Variants in ZNF713 observed in about 807,000 individuals in gnomAD.
ZNF713 encodes the protein zinc finger protein 713.
Under a neutral mutation model 28.7 loss-of-function variants are expected in ZNF713, and 21 were observed. The observed-to-expected ratio is 0.73, with a 90% confidence interval of 0.52 to 1.05. The LOEUF is 1.05. ZNF713 is among the 50% of genes least tolerant of loss of function. The pLI is 0.00. For missense variants in ZNF713, 458 were observed against 532.4 expected (o/e 0.86, Z 1.37); for synonymous variants, 167 against 178.0 (o/e 0.94, Z 0.49).
intron 4 of ZNF713, among the ~76,000 whole-genome samples, chr7:55,914,358 G>GTTTGTTT (rs1285906932): frequency 6.6e-6 from 1 of 151,770 alleles, no homozygotes; most frequent in Non-Finnish European, 1.5e-5. Context: ...GATTTTTTTG[G>GTTTGTTT]TTTGTTTTTT....
At chr7:55,890,977 C>G (rs1341500498) in intron 1 of ZNF713, among the ~76,000 whole-genome samples, 1 of 140,124 alleles carries the variant, frequency 7.1e-6, no homozygotes, top group Admixed American at 7.7e-5. Context: ...GCCTGGACGA[C>G]AGAGTGAGAC....
At chr7:55,923,574 A>C in intron 5 of ZNF713, 33 bp from the exon 6 acceptor site, 1 of 1,541,796 alleles carries the variant, frequency 6.5e-7, no homozygotes, top group Non-Finnish European at 8.8e-7. Flanking sequence ...TCCCAGTACA[A>C]ACTCCTAAGA....
rs1209385867 is a variant in ZNF713 at position 55,909,409 on chromosome 7, G to GT, written c.-455-2206dup. ...TCCATTGATCTATGTGTCTGTTTTT[G>GT]TACCAGTACCATGCTACTTTGTTTC... On this transcript the variant is annotated intron_variant, in intron 2 of 6. Transcript: ENST00000429591. Among the ~76,000 whole-genome samples, 4 of 151,998 alleles carry GT rather than the reference G, an allele frequency of 2.6e-5. No individual in the cohort carries two copies. The East Asian group carries it at 7.7e-4, about 29-fold the overall frequency.
intron 6 of ZNF713, among the ~76,000 whole-genome samples, chr7:55,928,207 C>A (rs1298871430): frequency 6.6e-6 from 1 of 152,072 alleles, no homozygotes; most frequent in Non-Finnish European, 1.5e-5. Flanking sequence ...TGAGGGCCCC[C>A]GTGAGACTCT....
chr7:55,940,590 C>G lies in ZNF713; in HGVS notation c.*584C>G, dbSNP rs1786447465. 4.1e-6 allele frequency: 4 copies of G among 975,960 alleles called. No individual in the cohort carries two copies. Among genetic ancestry groups the G allele is most frequent in the Admixed American group, 6.2e-5 (1 of 16,182 alleles). The allele number at this position is 975,960 out of a possible 1,614,324, so 60.5% of individuals were successfully genotyped here. On this transcript the variant is annotated 3_prime_UTR_variant, in exon 7 of 7. Transcript: ENST00000429591. ...TAAAACTTTTTAAAAAATCAGAAGT[C>G]CTTATCCAGGCATGGTGGTGCACAC...
intron 2 of ZNF713, among the ~76,000 whole-genome samples, chr7:55,910,488 GT>G (rs934345601): frequency 4.6e-5 from 7 of 151,562 alleles, no homozygotes; most frequent in African/African-American, 1.7e-4. Flanking sequence ...TTTGTTGAGG[GT>G]TTTTTGGTTT....
intron 1 of ZNF713, among the ~76,000 whole-genome samples, chr7:55,900,727 G>T (rs1785560607): frequency 6.6e-6 from 1 of 152,124 alleles, no homozygotes; most frequent in Non-Finnish European, 1.5e-5. Flanking sequence ...TGACCAAAGG[G>T]TACAAAGTTT....
At chr7:55,900,467 C>CAA (rs201434785) in intron 1 of ZNF713, among the ~76,000 whole-genome samples, 6 of 140,554 alleles carry the variant, frequency 4.3e-5, no homozygotes, top group African/African-American at 8.0e-5. Context: ...GACTCCATTT[C>CAA]AAAAAAAAAA....
At chr7:55,930,706 C>T (rs1786193420) in intron 6 of ZNF713, among the ~76,000 whole-genome samples, 1 of 152,050 alleles carries the variant, frequency 6.6e-6, no homozygotes, top group African/African-American at 2.4e-5. Context: ...GTGGAGGTTG[C>T]AGTAAGCCGA....
chr7:55,922,888 T>G (rs1330896372), intron 4 of ZNF713, among the ~76,000 whole-genome samples: 1 of 152,166 alleles, frequency 6.6e-6, no homozygotes, highest in Admixed American at 6.6e-5. Flanking sequence ...GTCCTTGTAG[T>G]TTTTTAATCA....
chr7:55,914,846 T>C (rs1785850719), intron 4 of ZNF713, among the ~76,000 whole-genome samples: 2 of 139,938 alleles, frequency 1.4e-5, no homozygotes, highest in South Asian at 2.2e-4. Context: ...ATTCATTTGG[T>C]TTATTTTATT....
Position 55,906,785 on chromosome 7 carries a change from G to A in ZNF713, c.-456+406G>A, listed in dbSNP as rs1368566390. On this transcript the variant is annotated intron_variant, in intron 2 of 6. Coordinates refer to ENST00000429591, the MANE Select transcript of ZNF713 (RefSeq NM_182633.3). Reference sequence around the variant, plus strand: ...CCTCTCGTAAATATCTAGGAAAGTGGACCCACCTAACACATGGTGGTCGTA... The same window carrying A: ...CCTCTCGTAAATATCTAGGAAAGTGAACCCACCTAACACATGGTGGTCGTA... 2.0e-5 allele frequency among the ~76,000 whole-genome samples: 3 copies of A among 152,130 alleles called. No homozygotes were observed. The East Asian group carries it at 5.8e-4, about 29-fold the overall frequency.
intron 1 of ZNF713, among the ~76,000 whole-genome samples, chr7:55,891,783 T>C (rs1382577397): frequency 2.0e-5 from 3 of 151,882 alleles, no homozygotes; most frequent in South Asian, 2.1e-4. Flanking sequence ...GTTCATGATA[T>C]ATAATGGTTT....
At chr7:55,911,362 G>C (rs2116212480) in intron 2 of ZNF713, among the ~76,000 whole-genome samples, 1 of 152,334 alleles carries the variant, frequency 6.6e-6, no homozygotes, top group African/African-American at 2.4e-5. Flanking sequence ...CAGAGAGCAT[G>C]TGTTCTCTGT....
At chr7:55,888,549 T>TTTGTTG (rs994433085) in intron 1 of ZNF713, among the ~76,000 whole-genome samples, 18 of 151,778 alleles carry the variant, frequency 1.2e-4, no homozygotes, top group Admixed American at 3.9e-4. Context: ...CGTGCGGCTT[T>TTTGTTG]TTGTTGTTGT....
chr7:55,923,784 C>T lies in ZNF713; in HGVS notation c.307+85C>T, dbSNP rs887020243. 8.8e-6 allele frequency: 9 copies of T among 1,028,568 alleles called. No individual in the cohort carries two copies. The South Asian group carries it at 1.0e-4, about 12-fold the overall frequency. 63.7% of individuals were successfully genotyped at this position (1,028,568 alleles called of 1,614,324 possible). On this transcript the variant is annotated intron_variant, in intron 6 of 6. Coordinates refer to ENST00000429591, the MANE Select transcript of ZNF713 (RefSeq NM_182633.3). ...CTCAGTGGAGTGTTCCAAAAATCTCCCTCTGGGATATAAGGAATACTAAGC... is the reference window on the plus strand; with the variant it reads ...CTCAGTGGAGTGTTCCAAAAATCTCTCTCTGGGATATAAGGAATACTAAGC...
At chr7:55,908,135 G>GT (rs71015120) in intron 2 of ZNF713, among the ~76,000 whole-genome samples, 1,324 of 54,640 alleles carry the variant, frequency 0.024, 9 homozygotes, top group Non-Finnish European at 0.032. Context: ...ATCCGTTGTT[G>GT]TTTTTTTTTT....
chr7:55,939,358 T>TTA lies in ZNF713; in HGVS notation c.686_687dup (p.Val230MetfsTer2). On this transcript the variant is annotated frameshift_variant, in exon 7 of 7. Transcript: ENST00000429591. LOFTEE classifies it high-confidence loss of function. ...CAGACTTGATTTACTATCAGGGAAATTATGTAAGAGAGACTCCCTATGAAT... is the reference window on the plus strand; with the variant it reads ...CAGACTTGATTTACTATCAGGGAAATTATATGTAAGAGAGACTCCCTATGAAT... 1 of 1,613,930 alleles carries TTA rather than the reference T, an allele frequency of 6.2e-7. No homozygotes were observed. The highest frequency in any genetic ancestry group is 8.5e-7 in the Non-Finnish European group (1 of 1,179,988).
intron 3 of ZNF713, 105 bp from the exon 4 acceptor site, chr7:55,912,530 G>C (rs1785803652): frequency 1.3e-6 from 1 of 750,420 alleles, no homozygotes; most frequent in Non-Finnish European, 2.2e-6. Context: ...TTATGTCTTA[G>C]AGGGCTTCTC....
Sources: gnomAD v4.1 joint callset for allele counts (sites outside exome capture counted in the v4.1 genomes callset) on GRCh38, gnomAD v4.1.1 for gene constraint, MANE v1.5 for transcripts, NCBI Gene and HGNC (gene_info 2026-07-23, HGNC 2026-07-21) for gene names.